Variants in ESRRG observed in about 807,000 individuals in gnomAD.
ESRRG encodes the protein estrogen-related receptor gamma.
A neutral mutation model predicts 44.0 loss-of-function variants in ESRRG; 13 were observed. The observed-to-expected ratio is 0.30, with a 90% CI of 0.19 to 0.47. ESRRG has a LOEUF of 0.47. ESRRG is among the 20% of genes least tolerant of loss of function. ESRRG has a pLI of 1.00. For synonymous variants in ESRRG, 215 were observed against 214.6 expected (o/e 1.00, Z -0.02); for missense variants, 395 against 580.6 (o/e 0.68, Z 3.29).
At chr1:217,130,967 C>T (rs1022200349) in intron 1 of ESRRG, among the ~76,000 whole-genome samples, 4 of 151,798 alleles carry the variant, frequency 2.6e-5, no homozygotes, top group African/African-American at 7.3e-5. Context: ...TACTATATTG[C>T]CACGAATTTA....
chr1:216,515,973 AAATT>A (rs1254040426), intron 6 of ESRRG, among the ~76,000 whole-genome samples: 1 of 152,026 alleles, frequency 6.6e-6, no homozygotes, highest in Non-Finnish European at 1.5e-5. Flanking sequence ...TATATAAATG[AAATT>A]AATTATAGAA....
intron 1 of ESRRG, among the ~76,000 whole-genome samples, chr1:217,060,654 T>C (rs1481586312): frequency 6.6e-6 from 1 of 152,090 alleles, no homozygotes; most frequent in Non-Finnish European, 1.5e-5. Context: ...CACTGTGCCA[T>C]GCATATAAAA....
intron 1 of ESRRG, chr1:216,939,729 A>G (rs1159750682): frequency 6.6e-6 from 1 of 152,110 alleles, no homozygotes; most frequent in Non-Finnish European, 1.5e-5. Flanking sequence ...AAAAAAAAAA[A>G]AAAAGTAAGG....
At position 216,977,823 on chromosome 1, in the gene ESRRG, C is replaced by T. The variant is rs115178629; in HGVS notation, c.-105-38150G>A. 1.8e-3 allele frequency among the ~76,000 whole-genome samples: 278 copies of T among 152,138 alleles called. 1 individual carries two copies. The East Asian group carries it at 0.02, about 11-fold the overall frequency. On this transcript the variant is annotated intron_variant, in intron 1 of 7. Transcript: ENST00000359162. ...AAGAGGTGATCAGGCCATGGGTGAC[C>T]GGTCCTCATGAATGGATTCATGCTT...
Position 216,913,855 on chromosome 1 carries a change from T to C in ESRRG, c.-14+25727A>G, listed in dbSNP as rs183412295. On this transcript the variant is annotated intron_variant, in intron 2 of 7. Transcript: ENST00000359162. ...TTAGCTATCATTATAATTACAGCAG[T>C]AGTTGCAAGGTTTTTACCCTTTTCT... Among the ~76,000 whole-genome samples, 120 of 152,342 alleles carry C rather than the reference T, an allele frequency of 7.9e-4. 1 individual carries two copies. The highest frequency in any genetic ancestry group is 2.2e-3 in the African/African-American group (93 of 41,580).
At chr1:216,968,698 G>A (rs891304735) in intron 1 of ESRRG, among the ~76,000 whole-genome samples, 2 of 102,542 alleles carry the variant, frequency 2.0e-5, no homozygotes, top group African/African-American at 5.6e-5. Flanking sequence ...GACTAGTATG[G>A]GTCTTTTTTT....
At chr1:216,527,423 G>T (rs568272890) in intron 5 of ESRRG, among the ~76,000 whole-genome samples, 1 of 152,062 alleles carries the variant, frequency 6.6e-6, no homozygotes, top group Non-Finnish European at 1.5e-5. Context: ...TCATCAAAAT[G>T]CTTTCTTTGT....
chr1:216,868,867 T>G (rs1002678651), intron 2 of ESRRG, among the ~76,000 whole-genome samples: 6 of 152,226 alleles, frequency 3.9e-5, no homozygotes, highest in Non-Finnish European at 7.3e-5. Flanking sequence ...TATATTTCCT[T>G]TCTTAAAATG....
intron 1 of ESRRG, among the ~76,000 whole-genome samples, chr1:217,051,206 G>A (rs1388227162): frequency 2.7e-5 from 3 of 110,256 alleles, no homozygotes; most frequent in African/African-American, 2.9e-5. Context: ...AATGGGGGCG[G>A]GGGGGGGGGG....
chr1:216,946,825 T>C (rs2066138649), intron 1 of ESRRG, among the ~76,000 whole-genome samples: 1 of 152,008 alleles, frequency 6.6e-6, no homozygotes, highest in African/African-American at 2.4e-5. Flanking sequence ...CTCAGCCTCC[T>C]GAGTAGCGAG....
intron 1 of ESRRG, among the ~76,000 whole-genome samples, chr1:217,035,141 T>C (rs1030015913): frequency 1.3e-5 from 2 of 152,024 alleles, no homozygotes; most frequent in African/African-American, 4.8e-5. Context: ...GTAGGAGTAA[T>C]AATATCTACC....
chr1:216,956,738 G>C (rs546486700), intron 1 of ESRRG, among the ~76,000 whole-genome samples: 70 of 152,192 alleles, frequency 4.6e-4, no homozygotes, highest in Non-Finnish European at 8.4e-4. Flanking sequence ...AGTGCAGTTA[G>C]AGAGAATAGA....
intron 1 of ESRRG, among the ~76,000 whole-genome samples, chr1:216,951,048 T>TGGAAAA (rs1410763109): frequency 6.6e-6 from 1 of 151,996 alleles, no homozygotes; most frequent in African/African-American, 2.4e-5. Flanking sequence ...CAAAAGAGAG[T>TGGAAAA]GGAAAAGACC....
At chr1:216,698,358 A>C (rs1335504033) in intron 1 of ESRRG, among the ~76,000 whole-genome samples, 3 of 151,896 alleles carry the variant, frequency 2.0e-5, no homozygotes, top group Non-Finnish European at 4.4e-5. Context: ...TGTACTAAAA[A>C]TACAAAAAAA....
intron 3 of ESRRG, among the ~76,000 whole-genome samples, chr1:216,581,998 C>T (rs1400067758): frequency 5.0e-4 from 76 of 152,156 alleles, no homozygotes; most frequent in Admixed American, 5.0e-3. Flanking sequence ...TGGCTGGTTA[C>T]ATTATAAGTT....
intron 2 of ESRRG, chr1:216,805,508 C>T (rs1323423747): frequency 6.6e-6 from 1 of 152,146 alleles, no homozygotes; most frequent in East Asian, 1.9e-4. Context: ...CATCACAAGT[C>T]CAGGCGGGTC....
At chr1:216,907,069 G>A (rs2059763478) in intron 2 of ESRRG, among the ~76,000 whole-genome samples, 2 of 152,158 alleles carry the variant, frequency 1.3e-5, no homozygotes, top group Admixed American at 1.3e-4. Flanking sequence ...CGTCACACTG[G>A]GAGAATCTCC....
intron 5 of ESRRG, among the ~76,000 whole-genome samples, chr1:216,526,775 T>TG (rs898225500): frequency 1.3e-5 from 2 of 152,168 alleles, no homozygotes; most frequent in Non-Finnish European, 2.9e-5. Flanking sequence ...CAAGGCTGTC[T>TG]GGGTAACGGT....
At chr1:217,057,724 C>T (rs192356316) in intron 1 of ESRRG, among the ~76,000 whole-genome samples, 1 of 152,262 alleles carries the variant, frequency 6.6e-6, no homozygotes, top group Admixed American at 6.5e-5. Context: ...TTAAGACAAG[C>T]TTGTCCAACT....
Sources: allele counts gnomAD v4.1 joint callset (sites outside exome capture counted in the v4.1 genomes callset), GRCh38; gene constraint gnomAD v4.1.1; transcripts MANE v1.5; gene names NCBI Gene and HGNC (gene_info 2026-07-23, HGNC 2026-07-21).